The following COMMD1 variants were observed in gnomAD, a reference collection of about 807,000 sequenced individuals.
The protein encoded by COMMD1 is copper metabolism domain containing 1.
A neutral mutation model predicts 17.2 loss-of-function variants in COMMD1; 10 were observed. The ratio of observed to expected loss-of-function variants is 0.58; its 90% CI spans 0.36 to 0.99. The LOEUF (loss-of-function observed/expected upper bound fraction) is 0.99. Ranked by LOEUF, COMMD1 falls within the 50% of genes least tolerant of loss-of-function variation. The pLI, the probability that COMMD1 is intolerant of heterozygous loss-of-function variation, is 0.01. For missense variants in COMMD1, 270 were observed against 231.8 expected, an observed-to-expected ratio of 1.17 and a Z score of -1.07; for synonymous variants, 97 against 91.6, an observed-to-expected ratio of 1.06 and a Z score of -0.34.
At chr2:62,016,521 T>A (rs1669454245) in intron 2 of COMMD1, among the ~76,000 whole-genome samples, 1 of 151,896 alleles carries the variant, frequency 6.6e-6, no homozygotes. Flanking sequence ...TTTTTTTTTT[T>A]TTTTCCTACA....
chr2:61,951,785 C>T (rs1572995450), intron 1 of COMMD1, among the ~76,000 whole-genome samples: 1 of 152,268 alleles, frequency 6.6e-6, no homozygotes, highest in South Asian at 2.1e-4. Context: ...TTAAAAATTT[C>T]GCCCTTGATT....
At chr2:61,920,751 G>C (rs1301991161) in intron 1 of COMMD1, among the ~76,000 whole-genome samples, 1 of 151,840 alleles carries the variant, frequency 6.6e-6, no homozygotes, top group Non-Finnish European at 1.5e-5. Flanking sequence ...AACATTTAGT[G>C]CTCTGCTTGT....
At chr2:61,963,494 C>T (rs1462598925) in intron 1 of COMMD1, among the ~76,000 whole-genome samples, 1 of 152,088 alleles carries the variant, frequency 6.6e-6, no homozygotes, top group African/African-American at 2.4e-5. Context: ...GTGGTGCACA[C>T]CACCATGCTC....
At chr2:62,134,874 G>A (rs184865239) in intron 2 of COMMD1, among the ~76,000 whole-genome samples, 43 of 152,260 alleles carry the variant, frequency 2.8e-4, no homozygotes, top group African/African-American at 1.0e-3. Flanking sequence ...GAGGAGGGTT[G>A]GCTTGCAGCA....
intron 1 of COMMD1, among the ~76,000 whole-genome samples, chr2:61,908,514 TGCACC>T (rs1252018497): frequency 6.6e-6 from 1 of 151,934 alleles, no homozygotes; most frequent in Admixed American, 6.6e-5. Context: ...CGTGAGCCAC[TGCACC>T]CAGCCTTTAT....
At chr2:61,998,223 C>T (rs1300176054) in intron 1 of COMMD1, among the ~76,000 whole-genome samples, 2 of 150,470 alleles carry the variant, frequency 1.3e-5, no homozygotes. Flanking sequence ...TTCTCCATAT[C>T]AGCAATAAGG....
intron 1 of COMMD1, among the ~76,000 whole-genome samples, chr2:61,931,954 C>T (rs1670476590): frequency 6.6e-6 from 1 of 152,166 alleles, no homozygotes; most frequent in South Asian, 2.1e-4. Context: ...GGATTTCTAT[C>T]CCAGTTGTGT....
At chr2:61,905,971 T>C in intron 1 of COMMD1, 113 bp downstream of exon 1, 2 of 1,037,548 alleles carry the variant, frequency 1.9e-6, no homozygotes, top group Non-Finnish European at 1.5e-6. Context: ...CTTTTCCCTC[T>C]CAGACCTCCA....
In COMMD1 at chr2:61,940,862, T is replaced by A. The variant is rs184235699; in HGVS notation, c.180+35004T>A. On this transcript the variant is annotated intron_variant, in intron 1 of 2. Transcript: ENST00000311832. Reference sequence around the variant, plus strand: ...CCACCATGCCCGGGTAATTTTTTTTTATATATTAGTAGAGATGGGGTTTCA... The same window carrying A: ...CCACCATGCCCGGGTAATTTTTTTTAATATATTAGTAGAGATGGGGTTTCA... 4.0e-5 allele frequency among the ~76,000 whole-genome samples: 6 copies of A among 151,408 alleles called. No homozygotes were observed. The East Asian group carries it at 1.2e-3, about 30-fold the overall frequency.
At chr2:61,941,265 T>G (rs2103637120) in intron 1 of COMMD1, among the ~76,000 whole-genome samples, 1 of 152,074 alleles carries the variant, frequency 6.6e-6, no homozygotes, top group South Asian at 2.1e-4. Context: ...TGACCTTAGG[T>G]GATCCACCCG....
At chr2:62,036,912 G>A (rs1185225940) in intron 2 of COMMD1, among the ~76,000 whole-genome samples, 1 of 152,112 alleles carries the variant, frequency 6.6e-6, no homozygotes, top group Non-Finnish European at 1.5e-5. Context: ...GTTGTTTTAC[G>A]AGCCATTTGT....
At chr2:61,962,304 CT>C (rs1173570118) in intron 1 of COMMD1, among the ~76,000 whole-genome samples, 3 of 152,168 alleles carry the variant, frequency 2.0e-5, no homozygotes, top group Admixed American at 6.5e-5. Flanking sequence ...GCCTTTGCCC[CT>C]GGTTCCTAGG....
intron 2 of COMMD1, among the ~76,000 whole-genome samples, chr2:62,080,030 T>G (rs1276983514): frequency 6.6e-6 from 1 of 152,198 alleles, no homozygotes; most frequent in Non-Finnish European, 1.5e-5. Context: ...TGTAAATAGT[T>G]TTGCACCTCA....
intron 2 of COMMD1, among the ~76,000 whole-genome samples, chr2:62,027,916 G>A (rs951585056): frequency 6.6e-6 from 1 of 152,062 alleles, no homozygotes; most frequent in African/African-American, 2.4e-5. Flanking sequence ...ACCTCCCAAA[G>A]TGCTGGAATT....
At chr2:62,062,417 G>A (rs1197509474) in intron 2 of COMMD1, among the ~76,000 whole-genome samples, 1 of 151,646 alleles carries the variant, frequency 6.6e-6, no homozygotes, top group African/African-American at 2.4e-5. Flanking sequence ...TAATAGAGAC[G>A]GGGTTTCACC....
intron 2 of COMMD1, among the ~76,000 whole-genome samples, chr2:62,087,433 A>G (rs1671701056): frequency 6.6e-6 from 1 of 152,224 alleles, no homozygotes; most frequent in African/African-American, 2.4e-5. Flanking sequence ...TTCTGAGATA[A>G]AGGTATTTTC....
At chr2:61,990,983 C>G (rs945027101) in intron 1 of COMMD1, among the ~76,000 whole-genome samples, 3 of 150,710 alleles carry the variant, frequency 2.0e-5, no homozygotes, top group Non-Finnish European at 4.4e-5. Flanking sequence ...CCCAGCTACT[C>G]AGAAGACTGA....
intron 2 of COMMD1, among the ~76,000 whole-genome samples, chr2:62,113,578 T>G (rs1281948457): frequency 6.6e-6 from 1 of 152,096 alleles, no homozygotes; most frequent in African/African-American, 2.4e-5. Flanking sequence ...GAGACGGGGT[T>G]TCACCATGTT....
intron 2 of COMMD1, among the ~76,000 whole-genome samples, chr2:62,045,965 C>CA (rs1459565769): frequency 9.2e-5 from 14 of 151,732 alleles, no homozygotes; most frequent in Admixed American, 9.2e-4. Flanking sequence ...TCAAACTCCT[C>CA]ATCTCAGGTG....
Sources: allele counts gnomAD v4.1 joint callset (sites outside exome capture counted in the v4.1 genomes callset), GRCh38; gene constraint gnomAD v4.1.1; transcripts MANE v1.5; gene names NCBI Gene and HGNC (gene_info 2026-07-23, HGNC 2026-07-21).